Variants in GCH1 observed in about 807,000 individuals in gnomAD.
GCH1 encodes GTP cyclohydrolase 1, also known as GTP cyclohydrolase I.
Under a neutral mutation model 25.9 loss-of-function variants are expected in GCH1, and 5 were observed. The ratio of observed to expected loss-of-function variants is 0.19; its 90% CI spans 0.10 to 0.41. The LOEUF is 0.41. GCH1 is among the 10% of genes least tolerant of loss of function. The pLI is 1.00. For synonymous variants in GCH1, 159 were observed against 129.6 expected (o/e 1.23, Z -1.54); for missense variants, 261 against 336.5 (o/e 0.78, Z 1.75).
chr14:54,862,613 G>GTT (rs35880039), intron 2 of GCH1, among the ~76,000 whole-genome samples: 114 of 105,754 alleles, frequency 1.1e-3, no homozygotes, highest in Non-Finnish European at 1.6e-3. Context: ...TTTTTGGTTG[G>GTT]TTTTTTTTTT....
At chr14:54,875,550 G>C (rs1009631579) in intron 1 of GCH1, among the ~76,000 whole-genome samples, 1 of 152,102 alleles carries the variant, frequency 6.6e-6, no homozygotes, top group African/African-American at 2.4e-5. Flanking sequence ...TACAGAATGG[G>C]AGAAAATTTT....
intron 1 of GCH1, among the ~76,000 whole-genome samples, chr14:54,897,342 G>A (rs1256320256): frequency 2.0e-5 from 3 of 149,452 alleles, no homozygotes; most frequent in South Asian, 2.1e-4. Context: ...AGGCTGGAGT[G>A]CAATGGTGCA....
At chr14:54,852,548 C>G (rs2039747770) in intron 3 of GCH1, among the ~76,000 whole-genome samples, 1 of 152,198 alleles carries the variant, frequency 6.6e-6, no homozygotes, top group Admixed American at 6.5e-5. Flanking sequence ...TGGGAGGAAA[C>G]AGAAGCACCT....
intron 3 of GCH1, among the ~76,000 whole-genome samples, chr14:54,848,149 T>G (rs2140045326): frequency 6.6e-6 from 1 of 150,730 alleles, no homozygotes; most frequent in Admixed American, 6.6e-5. Context: ...TTTTTTTTTT[T>G]TTTTGAGATG....
rs2039575599 is a variant in GCH1, at chr14:54,842,626, G to C, written c.*1391C>G. 1 of 172,382 alleles carries C rather than the reference G, an allele frequency of 5.8e-6. No individual in the cohort carries two copies. Among genetic ancestry groups the C allele is most frequent in the African/African-American group, 2.4e-5 (1 of 42,446 alleles). 10.7% of individuals were successfully genotyped at this position (172,382 alleles called of 1,614,324 possible). A position where few individuals can be genotyped will look rare whatever the true frequency, so the allele number is the denominator to read the frequency against. On this transcript the variant is annotated 3_prime_UTR_variant, in exon 6 of 6. Coordinates refer to ENST00000491895, the MANE Select transcript of GCH1 (RefSeq NM_000161.3). ...TAACCCAAATAGCATCAAAGTGGCA[G>C]AGATGGGACTAAAGTTAAAGCAAGC... is the stretch of plus-strand genomic sequence containing the variant.
chr14:54,860,586 G>T (rs1374787906), intron 2 of GCH1, among the ~76,000 whole-genome samples: 1 of 149,256 alleles, frequency 6.7e-6, no homozygotes, highest in African/African-American at 2.5e-5. Flanking sequence ...TGTCGCCCAG[G>T]CTGGAGTACA....
At chr14:54,871,071 C>T (rs1025112126) in intron 1 of GCH1, among the ~76,000 whole-genome samples, 6 of 152,154 alleles carry the variant, frequency 3.9e-5, no homozygotes, top group African/African-American at 1.2e-4. Flanking sequence ...CCCTGACCCC[C>T]GAGTAGCCTA....
In GCH1 at chr14:54,902,391, C is replaced by T; in HGVS notation, c.273G>A (p.Leu91=). 1 of 1,613,152 alleles carries T rather than the reference C, an allele frequency of 6.2e-7. No individual in the cohort carries two copies. Among genetic ancestry groups the T allele is most frequent in the Non-Finnish European group, 8.5e-7 (1 of 1,179,846 alleles). Residue 91 remains leucine (L), a synonymous_variant, in exon 1 of 6, where the codon CTG becomes CTA. Transcript: ENST00000491895. The stretch of plus-strand genomic sequence containing the variant: ...AGGCCGCCCTCCAGGGCGTCTTGAG[C>T]AGCCCTTGCCGCTGGGGGTTCTCGC... The part of the protein sequence containing the change: ...SLGENPQRQG[L]LKTPWRAASA...
At chr14:54,872,544 C>T (rs886916311) in intron 1 of GCH1, among the ~76,000 whole-genome samples, 55 of 152,250 alleles carry the variant, frequency 3.6e-4, no homozygotes, top group Non-Finnish European at 6.9e-4. Flanking sequence ...TTAAAAGACA[C>T]AGAATGGCAA....
chr14:54,897,827 A>G (rs2040509492), intron 1 of GCH1, among the ~76,000 whole-genome samples: 1 of 152,220 alleles, frequency 6.6e-6, no homozygotes, highest in African/African-American at 2.4e-5. Flanking sequence ...AAGACCATCC[A>G]ACGTAAAGCT....
intron 3 of GCH1, among the ~76,000 whole-genome samples, chr14:54,850,102 T>G (rs1310198637): frequency 6.6e-6 from 1 of 151,938 alleles, no homozygotes; most frequent in Non-Finnish European, 1.5e-5. Flanking sequence ...GGTTCCCAAG[T>G]AGCTGCGATT....
At chr14:54,871,106 GC>G (rs1236054257) in intron 1 of GCH1, among the ~76,000 whole-genome samples, 2 of 152,196 alleles carry the variant, frequency 1.3e-5, no homozygotes, top group African/African-American at 4.8e-5. Flanking sequence ...CCAAGGAGGG[GC>G]AGACTGACAC....
At chr14:54,851,190 T>C (rs1235899965) in intron 3 of GCH1, among the ~76,000 whole-genome samples, 5 of 152,168 alleles carry the variant, frequency 3.3e-5, no homozygotes, top group Non-Finnish European at 7.3e-5. Context: ...TGAAACTGGA[T>C]CCCTTCCTTA....
intron 1 of GCH1, among the ~76,000 whole-genome samples, chr14:54,884,530 G>A (rs1017495753): frequency 2.6e-5 from 4 of 152,158 alleles, no homozygotes; most frequent in Admixed American, 2.0e-4. Context: ...AGCACTTTGG[G>A]AGGCCAAGGC....
At chr14:54,844,439 A>G (rs767054880) in intron 5 of GCH1, among the ~76,000 whole-genome samples, 7 of 152,230 alleles carry the variant, frequency 4.6e-5, no homozygotes, top group Non-Finnish European at 1.0e-4. Context: ...AAAAGGGGAA[A>G]AATGGAATTT....
chr14:54,895,098 T>C (rs1009816643), intron 1 of GCH1, among the ~76,000 whole-genome samples: 10 of 152,228 alleles, frequency 6.6e-5, no homozygotes, highest in African/African-American at 2.4e-4. Flanking sequence ...AGAAAAACCT[T>C]TTGTGATTGC....
chr14:54,843,097 GA>G lies in GCH1; in HGVS notation c.*919del. ...TCTCAAATGTTTCTGGAAATACTTA[GA>G]AAAATATCTTATAAGATTAAAAAAA... On this transcript the variant is annotated 3_prime_UTR_variant, in exon 6 of 6. Coordinates refer to ENST00000491895, the MANE Select transcript of GCH1 (RefSeq NM_000161.3). The G allele has an allele frequency of 6.8e-7, 1 of 1,463,886 alleles. No individual in the cohort carries two copies. The highest frequency in any genetic ancestry group is 1.7e-5 in the Admixed American group (1 of 57,836). 90.7% of individuals were successfully genotyped at this position (1,463,886 alleles called of 1,614,324 possible).
At chr14:54,866,796 T>A (rs977987006) in intron 1 of GCH1, among the ~76,000 whole-genome samples, 1 of 152,156 alleles carries the variant, frequency 6.6e-6, no homozygotes, top group Non-Finnish European at 1.5e-5. Context: ...TACATTTGAC[T>A]GTGTCATAGA....
At chr14:54,872,565 A>C (rs1017292472) in intron 1 of GCH1, among the ~76,000 whole-genome samples, 5 of 152,126 alleles carry the variant, frequency 3.3e-5, no homozygotes, top group African/African-American at 4.8e-5. Flanking sequence ...ATTGGATAAA[A>C]AGTCAAGACC....
Sources: gnomAD v4.1 joint callset for allele counts (sites outside exome capture counted in the v4.1 genomes callset) on GRCh38, gnomAD v4.1.1 for gene constraint, MANE v1.5 for transcripts, NCBI Gene and HGNC (gene_info 2026-07-23, HGNC 2026-07-21) for gene names.